Variants in AP2A1 observed in about 807,000 individuals in gnomAD.
AP2A1 encodes AP-2 complex subunit alpha-1.
A neutral mutation model predicts 107.3 loss-of-function variants in AP2A1; 21 were observed. The ratio of observed to expected loss-of-function variants is 0.20; its 90% CI spans 0.14 to 0.28. AP2A1 has a LOEUF of 0.28. Among genes scored for constraint, AP2A1 ranks in the 10% least tolerant of loss-of-function variants. The pLI is 1.00. For missense variants in AP2A1, 873 were observed against 1,307.7 expected (o/e 0.67, Z 5.13); for synonymous variants, 602 against 564.8 (o/e 1.07, Z -0.93).
chr19:49,797,029 CCTCTTTTTCGTCCTGT>C (rs2073222454), intron 7 of AP2A1: 1 of 152,198 alleles, frequency 6.6e-6, no homozygotes, highest in Non-Finnish European at 1.5e-5. Flanking sequence ...CTTCTCTGGG[CCTCTTTTTCGTCCTGT>C]CAAGAAGGGC....
chr19:49,779,090 A>G (rs1225526825), intron 1 of AP2A1, among the ~76,000 whole-genome samples: 1 of 151,610 alleles, frequency 6.6e-6, no homozygotes, highest in Admixed American at 6.6e-5. Flanking sequence ...TAATCCCAAC[A>G]CTTTGAGAGG....
At chr19:49,805,220 T>C (rs1463537342) in intron 18 of AP2A1, 9 of 484,550 alleles carry the variant, frequency 1.9e-5, no homozygotes, top group Non-Finnish European at 3.3e-5. Flanking sequence ...AATACTATTA[T>C]GTCTCAGTGC....
rs371420839 is a variant in AP2A1 at position 49,767,092 on chromosome 19, G to A, written c.-42G>A. On this transcript the variant is annotated 5_prime_UTR_variant, in exon 1 of 23. It adds an upstream start codon to the 5' untranslated region. Coordinates refer to ENST00000354293, the MANE Select transcript of AP2A1 (RefSeq NM_130787.3). ...CCCGCTTGCCAGCCCCCGCTGCTCT[G>A]TGCCCTGTCCGGCCAGGCCTGGAGC... 103 of 1,605,526 alleles carry A rather than the reference G, an allele frequency of 6.4e-5. No homozygotes were observed. The highest frequency in any genetic ancestry group is 7.5e-5 in the Non-Finnish European group (88 of 1,178,084).
In AP2A1 at chr19:49,803,395, C is replaced by T. The variant is rs375617159; in HGVS notation, c.2344+19C>T. On this transcript the variant is annotated intron_variant, in intron 18 of 22. Coordinates refer to ENST00000354293, the MANE Select transcript of AP2A1 (RefSeq NM_130787.3). The stretch of plus-strand genomic sequence containing the variant: ...CAGACTCATATCCTCTCAGGCCCGG[C>T]CCAGCCTCCTGCCTCTCCACGTCGG... 1.4e-4 allele frequency: 225 copies of T among 1,605,688 alleles called. No individual in the cohort carries two copies. Among genetic ancestry groups the T allele is most frequent in the Non-Finnish European group, 1.9e-4 (217 of 1,172,668 alleles).
At chr19:49,786,135 TACTCGAGTG>T (rs1204104947) in intron 4 of AP2A1, among the ~76,000 whole-genome samples, 1 of 149,982 alleles carries the variant, frequency 6.7e-6, no homozygotes, top group East Asian at 2.0e-4. Flanking sequence ...TAATCCCAGC[TACTCGAGTG>T]ACTGAGATGG....
intron 18 of AP2A1, among the ~76,000 whole-genome samples, chr19:49,804,713 G>C (rs1415601309): frequency 1.3e-5 from 2 of 152,078 alleles, no homozygotes; most frequent in African/African-American, 4.8e-5. Flanking sequence ...ACCATGTGCC[G>C]GGCACACAGA....
intron 4 of AP2A1, among the ~76,000 whole-genome samples, chr19:49,784,689 T>C (rs1186627854): frequency 6.6e-6 from 1 of 151,844 alleles, no homozygotes; most frequent in Non-Finnish European, 1.5e-5. Flanking sequence ...ATCAGCAACA[T>C]AGTGAGACCC....
rs1252817990 is a variant in AP2A1, at chr19:49,805,738, C to T, written c.2546C>T (p.Ala849Val). ...AAGTTCTTCCAGCCCACCGAGATGG[C>T]GGCCCAGGATTTCTTCCAGCGCTGG... Reference protein sequence around the residue: ...INKFFQPTEMAAQDFFQRWKQ... With the variant: ...INKFFQPTEMVAQDFFQRWKQ... The change falls in exon 20 of 23, where the codon GCG (alanine) becomes GTG (valine). Residue 849 changes from alanine (A) to valine (V), a missense_variant. Ala to Val is a moderately conservative substitution (Grantham distance 64, BLOSUM62 0). Around this residue, in one of 4 missense-constraint regions of AP2A1, gnomAD observed 416 missense variants for 473.4 expected, o/e 0.88. Transcript: ENST00000354293. 7 of 1,572,642 alleles carry T rather than the reference C, an allele frequency of 4.5e-6. No homozygotes were observed. The East Asian group carries it at 7.2e-5, about 16-fold the overall frequency.
At chr19:49,799,842 A>G (rs2073255400) in intron 10 of AP2A1, 76 bp downstream of exon 10, 1 of 1,566,138 alleles carries the variant, frequency 6.4e-7, no homozygotes, top group Admixed American at 1.9e-5. Context: ...TCCTAAGTCT[A>G]AGGGAGGAGG....
chr19:49,799,526 G>GC (rs2073250742), intron 9 of AP2A1, 31 bp downstream of exon 9: 15 of 1,605,956 alleles, frequency 9.3e-6, no homozygotes, highest in Non-Finnish European at 1.3e-5. Flanking sequence ...CCCCGGGCCT[G>GC]CCACCCCCCT....
rs1483943910 is a variant in AP2A1, at chr19:49,795,092, T to C, written c.706-538T>C. On this transcript the variant is annotated intron_variant, in intron 6 of 22. Coordinates refer to ENST00000354293, the MANE Select transcript of AP2A1 (RefSeq NM_130787.3). ...TGCCCCTGAGTGGCTTCAAGCCTTG[T>C]AGGGGGACTACAGGAAACAGCCTCC... Among the ~76,000 whole-genome samples the C allele has an allele frequency of 1.3e-5, 2 of 152,192 alleles. 1 individual carries two copies. Among genetic ancestry groups the C allele is most frequent in the South Asian group, 4.1e-4 (2 of 4,834 alleles).
chr19:49,801,662 C>T (rs2073281279), intron 13 of AP2A1, 41 bp downstream of exon 13: 1 of 1,522,486 alleles, frequency 6.6e-7, no homozygotes, highest in South Asian at 1.2e-5. Context: ...CTTGCACACC[C>T]CCTTCCCGCC....
rs150040687 is a variant in AP2A1 at position 49,777,507 on chromosome 19, C to T, written c.68-4250C>T. 6.0e-3 allele frequency among the ~76,000 whole-genome samples: 898 copies of T among 149,250 alleles called. 4 individuals carry two copies. Among genetic ancestry groups the T allele is most frequent in the African/African-American group, 0.021 (850 of 40,472 alleles). ...AAAATTAGCCAGGCATGGTGGCGGG[C>T]GCCTGTAGCCCCAGCTACTTGGGAG... is the stretch of plus-strand genomic sequence containing the variant. On this transcript the variant is annotated intron_variant, in intron 1 of 22. Transcript: ENST00000354293.
At chr19:49,772,200 G>GGCA (rs2084566075) in intron 1 of AP2A1, among the ~76,000 whole-genome samples, 1 of 149,550 alleles carries the variant, frequency 6.7e-6, no homozygotes, top group Admixed American at 6.7e-5. Context: ...TGGGACTATA[G>GGCA]GCACATGCCA....
intron 18 of AP2A1, chr19:49,804,540 GA>G (rs35767806): frequency 0.023 from 3,233 of 139,764 alleles, 56 homozygotes; most frequent in South Asian, 0.094. Context: ...TCCGTCTCAG[GA>G]AAAAAAAAAA....
At chr19:49,789,068 G>A (rs1214568140) in intron 4 of AP2A1, among the ~76,000 whole-genome samples, 2 of 152,222 alleles carry the variant, frequency 1.3e-5, no homozygotes, top group African/African-American at 2.4e-5. Context: ...CTGCCTGGAT[G>A]ACGGCAGGAG....
chr19:49,801,299 C>T (rs1266525958), intron 12 of AP2A1, 91 bp from the exon 13 acceptor site: 8 of 1,318,460 alleles, frequency 6.1e-6, no homozygotes, highest in Admixed American at 5.6e-5. Context: ...GGTCCTGGGA[C>T]GGGTCCATCC....
Position 49,793,236 on chromosome 19 carries a change from C to T in AP2A1, c.705+144C>T, listed in dbSNP as rs141184809. The T allele has an allele frequency of 1.1e-3, 896 of 821,068 alleles. 6 individuals are homozygous for T. The African/African-American group carries it at 0.012, about 11-fold the overall frequency. The allele number at this position is 821,068 out of a possible 1,614,324, so 50.9% of individuals were successfully genotyped here. On this transcript the variant is annotated intron_variant, in intron 6 of 22. Transcript: ENST00000354293. ...GCTCTGAGCTGGATTCATCCTGGCTCGGCCTCTTCCTGGCTGGGTGGCCCT... is the reference window on the plus strand; with the variant it reads ...GCTCTGAGCTGGATTCATCCTGGCTTGGCCTCTTCCTGGCTGGGTGGCCCT...
chr19:49,798,563 A>G (rs7247082), intron 7 of AP2A1, among the ~76,000 whole-genome samples: 20,243 of 152,102 alleles, frequency 0.13, 1,341 homozygotes, highest in African/African-American at 0.16. Flanking sequence ...GAGCAGGAGG[A>G]GAGCCCAGGT....
Sources: gnomAD v4.1 joint callset for allele counts (sites outside exome capture counted in the v4.1 genomes callset) on GRCh38, gnomAD v4.1.1 for gene constraint, gnomAD v4.1.1 regional missense constraint, MANE v1.5 for transcripts, NCBI Gene and HGNC (gene_info 2026-07-23, HGNC 2026-07-21) for gene names.